TBC1D25: variants seen among roughly 807,000 people sequenced by gnomAD.
The protein encoded by TBC1D25 is 5SN3 snoRNA.
A neutral mutation model predicts 38.8 loss-of-function variants in TBC1D25; 13 were observed. The ratio of observed to expected loss-of-function variants is 0.34; its 90% CI spans 0.22 to 0.53. TBC1D25 has a LOEUF of 0.53. Among genes scored for constraint, TBC1D25 ranks in the 20% least tolerant of loss-of-function variants. The pLI, the probability that TBC1D25 is intolerant of heterozygous loss-of-function variation, is 0.94. For missense variants in TBC1D25, 372 were observed against 600.0 expected (o/e 0.62, Z 3.97); for synonymous variants, 225 against 255.6 (o/e 0.88, Z 1.14).
At chrX:48,548,588 T>C (rs1322769519) in intron 3 of TBC1D25, among the ~76,000 whole-genome samples, 1 of 111,962 alleles carries the variant, frequency 8.9e-6, no homozygotes, top group African/African-American at 3.2e-5. Context: ...AATCTTTCAT[T>C]ACCCAGTAAA....
At chrX:48,547,900 C>T (rs11797971) in intron 3 of TBC1D25, among the ~76,000 whole-genome samples, 18 of 100,761 alleles carry the variant, frequency 1.8e-4, no homozygotes, top group Non-Finnish European at 6.0e-5. Flanking sequence ...CTCGTGCCAC[C>T]GCACTCCAGC....
At chrX:48,558,093 A>G (rs1177671992) in intron 3 of TBC1D25, among the ~76,000 whole-genome samples, 1 of 101,950 alleles carries the variant, frequency 9.8e-6, no homozygotes, top group African/African-American at 3.9e-5. Context: ...CCTCGGTTAC[A>G]GAGTGAGACT....
rs1435110301 is a variant in TBC1D25, at chrX:48,561,450, A to C, written c.*475A>C. On this transcript the variant is annotated 3_prime_UTR_variant, in exon 6 of 6. Transcript: ENST00000376771. Reference sequence around the variant, plus strand: ...TTTTTTGGTACATCCATCGGCCTGTAAGGGTCTGTATTATGGCTGTGAATA... The same window carrying C: ...TTTTTTGGTACATCCATCGGCCTGTCAGGGTCTGTATTATGGCTGTGAATA... 3.4e-5 allele frequency: 4 copies of C among 119,216 alleles called. No individual in the cohort carries two copies. Among genetic ancestry groups the C allele is most frequent in the Non-Finnish European group, 6.8e-5 (4 of 58,559 alleles). The allele number at this position is 119,216 out of a possible 1,213,427, so 9.8% of individuals were successfully genotyped here.
chrX:48,556,694 C>T (rs1490982206), intron 3 of TBC1D25, among the ~76,000 whole-genome samples: 4 of 94,361 alleles, frequency 4.2e-5, no homozygotes, highest in East Asian at 3.4e-4. Flanking sequence ...TTGCAGTGAG[C>T]GAGGATCACA....
Position 48,545,168 on chromosome X carries a change from A to G in TBC1D25, c.388+145A>G, listed in dbSNP as rs1390576533. The G allele has an allele frequency of 1.5e-5, 11 of 712,288 alleles. No homozygotes were observed. The East Asian group carries it at 2.4e-4, about 16-fold the overall frequency. 58.7% of individuals were successfully genotyped at this position (712,288 alleles called of 1,213,427 possible). A position where few individuals can be genotyped will look rare whatever the true frequency, so the allele number is the denominator to read the frequency against. ...ATCCTGGCTCAGCCACTAGGCCACA[A>G]TTTCTTCACTTGTAAAGAGATAATT... On this transcript the variant is annotated intron_variant, in intron 3 of 5. Coordinates refer to ENST00000376771, the MANE Select transcript of TBC1D25 (RefSeq NM_002536.4).
In TBC1D25 at chrX:48,560,560, TCTC is replaced by T. The variant is rs781834632; in HGVS notation, c.1658_1660del (p.Ser553del). ...TTATTGAACTCCCCAGACCCACTGC[TCTC>T]CTCCTTTTCCCACCCTGATTCCCCA... On this transcript the variant is annotated inframe_deletion, in exon 6 of 6. Transcript: ENST00000376771. 36 of 1,205,939 alleles carry T rather than the reference TCTC, an allele frequency of 3.0e-5. No homozygotes were observed. Among genetic ancestry groups the T allele is most frequent in the Non-Finnish European group, 3.9e-5 (35 of 893,140 alleles).
intron 1 of TBC1D25, among the ~76,000 whole-genome samples, chrX:48,540,721 C>T (rs1193231658): frequency 8.9e-6 from 1 of 111,778 alleles, no homozygotes; most frequent in Non-Finnish European, 1.9e-5. Flanking sequence ...GATGGTGGCT[C>T]CGACCAACCA....
At chrX:48,558,827 G>A in intron 3 of TBC1D25, 70 bp from the exon 4 acceptor site, 1 of 1,182,472 alleles carries the variant, frequency 8.5e-7, no homozygotes, top group Non-Finnish European at 1.1e-6. Context: ...TTCAGTAGAA[G>A]GAGAGGAAGC....
chrX:48,555,497 A>C (rs1556984278), intron 3 of TBC1D25, among the ~76,000 whole-genome samples: 2 of 112,546 alleles, frequency 1.8e-5, no homozygotes. Flanking sequence ...TCACGCCTGT[A>C]ATCCCAGCAC....
intron 2 of TBC1D25, among the ~76,000 whole-genome samples, chrX:48,544,319 C>CTTT (rs35103047): frequency 5.3e-5 from 5 of 94,984 alleles, no homozygotes; most frequent in East Asian, 3.3e-4. Flanking sequence ...AGGGGACCAA[C>CTTT]TTTTTTTTTT....
Position 48,560,141 on chromosome X carries a change from G to A in TBC1D25, c.1233G>A (p.Leu411=). The A allele has an allele frequency of 8.3e-7, 1 of 1,209,343 alleles. No homozygotes were observed. Among genetic ancestry groups the A allele is most frequent in the Non-Finnish European group, 1.1e-6 (1 of 894,330 alleles). ...DDLFFCYRWL[L]LELKREFAFD... is the part of the protein sequence containing the mutation. ...TCTTCTTCTGTTACCGCTGGCTGCT[G>A]CTGGAACTCAAGCGTGAGTTCGCCT... is the stretch of plus-strand genomic sequence containing the variant. The change falls in exon 6 of 6, where the codon CTG becomes CTA. Residue 411 remains leucine, a synonymous_variant. Coordinates refer to ENST00000376771, the MANE Select transcript of TBC1D25 (RefSeq NM_002536.4).
At chrX:48,553,924 T>TAC (rs1318397032) in intron 3 of TBC1D25, among the ~76,000 whole-genome samples, 2 of 109,871 alleles carry the variant, frequency 1.8e-5, no homozygotes, top group African/African-American at 6.6e-5. Context: ...CTCATGCCTG[T>TAC]AATCCCAGCA....
intron 3 of TBC1D25, among the ~76,000 whole-genome samples, chrX:48,553,938 T>G (rs1556983937): frequency 9.2e-6 from 1 of 109,079 alleles, no homozygotes; most frequent in Non-Finnish European, 1.9e-5. Flanking sequence ...CCCAGCACTT[T>G]GGGAGACCGA....
intron 3 of TBC1D25, among the ~76,000 whole-genome samples, chrX:48,556,061 C>T (rs1479620989): frequency 1.9e-5 from 2 of 106,479 alleles, no homozygotes; most frequent in Non-Finnish European, 3.8e-5. Flanking sequence ...GCAAAGAGGA[C>T]TCCCTCTTTC....
intron 3 of TBC1D25, among the ~76,000 whole-genome samples, chrX:48,556,126 T>TCTTTC (rs782334999): frequency 9.1e-6 from 1 of 109,382 alleles, no homozygotes; most frequent in African/African-American, 3.3e-5. Flanking sequence ...GGATGTAAGG[T>TCTTTC]CTTTCCTTTC....
intron 2 of TBC1D25, among the ~76,000 whole-genome samples, chrX:48,542,727 T>C (rs1189142525): frequency 1.8e-5 from 2 of 109,975 alleles, no homozygotes; most frequent in Non-Finnish European, 3.8e-5. Flanking sequence ...CCTCCCAAAG[T>C]GTTAGGATTA....
At chrX:48,556,363 G>A (rs782681456) in intron 3 of TBC1D25, among the ~76,000 whole-genome samples, 2 of 111,757 alleles carry the variant, frequency 1.8e-5, no homozygotes, top group Non-Finnish European at 3.8e-5. Context: ...AATACAGCAC[G>A]TTTCTGTGAG....
Position 48,539,788 on chromosome X carries a change from C to T in TBC1D25, c.-10C>T. ...CGGTCAGCCGTCACCCTGAGACGGG[C>T]GGCGGCGGGATGGCAACAGCCTCCG... On this transcript the variant is annotated 5_prime_UTR_variant, in exon 1 of 6. Transcript: ENST00000376771. 3.1e-6 allele frequency: 3 copies of T among 960,068 alleles called. No homozygotes were observed. Among genetic ancestry groups the T allele is most frequent in the Non-Finnish European group, 3.9e-6 (3 of 765,932 alleles). The allele number at this position is 960,068 out of a possible 1,213,427, so 79.1% of individuals were successfully genotyped here. A position where few individuals can be genotyped will look rare whatever the true frequency, so the allele number is the denominator to read the frequency against.
At chrX:48,558,362 G>A (rs1236670296) in intron 3 of TBC1D25, among the ~76,000 whole-genome samples, 1 of 111,401 alleles carries the variant, frequency 9.0e-6, no homozygotes, top group Non-Finnish European at 1.9e-5. Context: ...ATGAGAGTAG[G>A]AGTTTGGGCT....
Sources: allele counts gnomAD v4.1 joint callset (sites outside exome capture counted in the v4.1 genomes callset), GRCh38; gene constraint gnomAD v4.1.1; transcripts MANE v1.5; gene names NCBI Gene and HGNC (gene_info 2026-07-23, HGNC 2026-07-21).